Variants in KLHL42 observed in about 807,000 individuals in gnomAD.
KLHL42 encodes kelch-like protein 42.
Under a neutral mutation model 32.7 loss-of-function variants are expected in KLHL42, and 27 were observed. The observed-to-expected ratio is 0.83, with a 90% CI of 0.61 to 1.14. KLHL42 has a LOEUF of 1.14. Ranked by LOEUF, KLHL42 falls within the 50% of genes most tolerant of loss-of-function variation. The probability of loss-of-function intolerance (pLI) is 0.00; values close to 1 mark genes in which losing one functional copy is unlikely to be tolerated. For missense variants in KLHL42, 491 were observed against 560.8 expected (o/e 0.88, Z 1.26); for synonymous variants, 267 against 248.2 (o/e 1.08, Z -0.71).
chr12:27,798,280 A>G lies in KLHL42; in HGVS notation c.*114A>G, dbSNP rs1014001535. On this transcript the variant is annotated 3_prime_UTR_variant, in exon 3 of 3. Coordinates refer to ENST00000381271, the MANE Select transcript of KLHL42 (RefSeq NM_020782.2). Reference sequence around the variant, plus strand: ...GTAAAGAAGGGTTAAAGTAGGTCACATATATACAGTAGCAGCTGTAAATAA... The same window carrying G: ...GTAAAGAAGGGTTAAAGTAGGTCACGTATATACAGTAGCAGCTGTAAATAA... 8 of 631,524 alleles carry G rather than the reference A, an allele frequency of 1.3e-5. No homozygotes were observed. The highest frequency in any genetic ancestry group is 5.5e-5 in the African/African-American group (3 of 54,958). 39.1% of individuals were successfully genotyped at this position (631,524 alleles called of 1,614,324 possible).
At chr12:27,797,424 G>T in intron 2 of KLHL42, 1 of 520,370 alleles carries the variant, frequency 1.9e-6, no homozygotes, top group Admixed American at 2.4e-5. Context: ...CAAAGGTGTG[G>T]GGATACCAGG....
At position 27,781,000 on chromosome 12, in the gene KLHL42, G is replaced by A; in HGVS notation, c.670G>A (p.Glu224Lys). The stretch of plus-strand genomic sequence containing the variant: ...GCCCCCGTCCATGCTCAGGTACGAG[G>A]AGATGACTGAGCGTTGGTTCCCGCT... ...GEPPSMLRYE[E>K]MTERWFPLAN... is the part of the protein sequence containing the mutation. The change falls in exon 1 of 3, where the codon GAG (glutamate) becomes AAG (lysine). Residue 224 changes from glutamate to lysine, a missense_variant. By Grantham distance (56) the Glu-to-Lys change is moderately conservative. This residue lies in a region of KLHL42 where 248 missense variants were observed against 329.2 expected (regional missense o/e 0.75). Coordinates refer to ENST00000381271, the MANE Select transcript of KLHL42 (RefSeq NM_020782.2). The surrounding 1 kb of genome is among the most constrained non-coding windows in gnomAD (Gnocchi z 8.8). 11 of 1,609,324 alleles carry A rather than the reference G, an allele frequency of 6.8e-6. No homozygotes were observed. Among genetic ancestry groups the A allele is most frequent in the Non-Finnish European group, 8.5e-6 (10 of 1,177,048 alleles).
In KLHL42 at chr12:27,800,750, A is replaced by T. The variant is rs993212932; in HGVS notation, c.*2584A>T. The T allele has an allele frequency of 6.6e-6, 1 of 150,974 alleles. No individual in the cohort carries two copies. Among genetic ancestry groups the T allele is most frequent in the Non-Finnish European group, 1.5e-5 (1 of 68,068 alleles). 9.4% of individuals were successfully genotyped at this position (150,974 alleles called of 1,614,324 possible). ...AAAAGAAAATCCCCCTTCATCCCCC[A>T]GGACTGTCCTTTACTCTTTGATAGT... On this transcript the variant is annotated 3_prime_UTR_variant, in exon 3 of 3. Coordinates refer to ENST00000381271, the MANE Select transcript of KLHL42 (RefSeq NM_020782.2).
intron 2 of KLHL42, among the ~76,000 whole-genome samples, chr12:27,793,922 C>G (rs2062208348): frequency 6.6e-6 from 1 of 152,124 alleles, no homozygotes; most frequent in Non-Finnish European, 1.5e-5. Context: ...TGGGAACTTC[C>G]CAAAGGACAG....
intron 2 of KLHL42, among the ~76,000 whole-genome samples, chr12:27,793,745 G>A (rs762845695): frequency 6.6e-6 from 1 of 152,172 alleles, no homozygotes; most frequent in Non-Finnish European, 1.5e-5. Context: ...CAGAAAAGGT[G>A]TAACCTGGCT....
chr12:27,782,241 G>A (rs2062152610), intron 1 of KLHL42, among the ~76,000 whole-genome samples: 1 of 152,130 alleles, frequency 6.6e-6, no homozygotes, highest in South Asian at 2.1e-4. Context: ...TATTTGACTC[G>A]AGGGTCCTCC....
intron 1 of KLHL42, chr12:27,787,950 T>A (rs1271143947): frequency 6.6e-6 from 1 of 152,342 alleles, no homozygotes; most frequent in African/African-American, 2.4e-5. Context: ...GCTTTTTGCA[T>A]CTTTGCTTTT....
At chr12:27,781,266 C>T (rs1461827084) in intron 1 of KLHL42, 64 bp downstream of exon 1, 4 of 1,540,796 alleles carry the variant, frequency 2.6e-6, no homozygotes, top group East Asian at 4.6e-5. Flanking sequence ...GTTCATTACC[C>T]CAGTGTTTAC....
At chr12:27,781,753 G>T (rs1273794109) in intron 1 of KLHL42, among the ~76,000 whole-genome samples, 1 of 152,064 alleles carries the variant, frequency 6.6e-6, no homozygotes, top group Non-Finnish European at 1.5e-5. Context: ...CCTCTCTTTT[G>T]CTTCCTTCCC....
intron 2 of KLHL42, among the ~76,000 whole-genome samples, chr12:27,793,666 A>G (rs1210826061): frequency 6.6e-6 from 1 of 152,208 alleles, no homozygotes; most frequent in Non-Finnish European, 1.5e-5. Context: ...GATGTCTCCA[A>G]GTTACCTCTT....
intron 1 of KLHL42, among the ~76,000 whole-genome samples, 160 bp downstream of exon 1, chr12:27,781,362 A>G (rs557155929): frequency 1.1e-4 from 17 of 152,242 alleles, no homozygotes; most frequent in Non-Finnish European, 1.9e-4. Flanking sequence ...AAAATTCCCA[A>G]TGAACTAAGA....
At chr12:27,791,278 C>G (rs146464903) in intron 1 of KLHL42, among the ~76,000 whole-genome samples, 41 of 152,228 alleles carry the variant, frequency 2.7e-4, no homozygotes, top group African/African-American at 9.4e-4. Context: ...CAGTGTGTCC[C>G]TAAGATGAAG....
At chr12:27,785,793 A>G (rs747006706) in intron 1 of KLHL42, among the ~76,000 whole-genome samples, 41 of 152,332 alleles carry the variant, frequency 2.7e-4, no homozygotes, top group Middle Eastern at 3.4e-3. Context: ...GGTGCTTAAA[A>G]TACGTGTTTT....
chr12:27,795,197 T>A (rs1229305473), intron 2 of KLHL42, among the ~76,000 whole-genome samples: 1 of 152,268 alleles, frequency 6.6e-6, no homozygotes, highest in African/African-American at 2.4e-5. Flanking sequence ...ATAACGCACA[T>A]ATGTGCTTTG....
In KLHL42 at chr12:27,781,100, T is replaced by C; in HGVS notation, c.770T>C (p.Ile257Thr). The C allele has an allele frequency of 6.2e-7, 1 of 1,614,128 alleles. No homozygotes were observed. The highest frequency in any genetic ancestry group is 8.5e-7 in the Non-Finnish European group (1 of 1,180,006). The change falls in exon 1 of 3, where the codon ATA (isoleucine) becomes ACA (threonine). Residue 257 changes from isoleucine (I) to threonine (T), a missense_variant. Around this residue, in one of 4 missense-constraint regions of KLHL42, gnomAD observed 248 missense variants for 329.2 expected, o/e 0.75. Coordinates refer to ENST00000381271, the MANE Select transcript of KLHL42 (RefSeq NM_020782.2). ...GCCATCCTGGACAACTACCTCTTCA[T>C]AGTGGGCGGGTACAGGATCACTAGC... ...GSAILDNYLF[I>T]VGGYRITSQE...
At chr12:27,785,948 T>C (rs2062170242) in intron 1 of KLHL42, among the ~76,000 whole-genome samples, 1 of 152,246 alleles carries the variant, frequency 6.6e-6, no homozygotes, top group African/African-American at 2.4e-5. Flanking sequence ...AGCTGAGAAA[T>C]AATGAGAGAC....
intron 1 of KLHL42, among the ~76,000 whole-genome samples, chr12:27,782,577 A>G (rs1200595734): frequency 6.6e-6 from 1 of 152,138 alleles, no homozygotes; most frequent in East Asian, 1.9e-4. Flanking sequence ...TTGTGTGGCC[A>G]TGGGTGGTGG....
In KLHL42 at chr12:27,781,026, G is replaced by A; in HGVS notation, c.696G>A (p.Leu232=). ...AGATGACTGAGCGTTGGTTCCCGCT[G>A]GCCAACAACCTTCCTCCCGACCTGG... The part of the protein sequence containing the change: ...YEEMTERWFP[L]ANNLPPDLVN... The change falls in exon 1 of 3, where the codon CTG becomes CTA. Residue 232 remains leucine (L), a synonymous_variant. Transcript: ENST00000381271. 6.2e-7 allele frequency: 1 copy of A among 1,612,760 alleles called. No individual in the cohort carries two copies. The highest frequency in any genetic ancestry group is 8.5e-7 in the Non-Finnish European group (1 of 1,179,152).
At chr12:27,795,017 C>G (rs927113834) in intron 2 of KLHL42, among the ~76,000 whole-genome samples, 1 of 152,084 alleles carries the variant, frequency 6.6e-6, no homozygotes, top group Non-Finnish European at 1.5e-5. Flanking sequence ...CCTCAGTCCC[C>G]CTGAACTCCT....
Sources: gnomAD v4.1 joint callset for allele counts (sites outside exome capture counted in the v4.1 genomes callset) on GRCh38, gnomAD v4.1.1 for gene constraint, gnomAD v4.1.1 regional missense constraint, Gnocchi (gnomAD v3.1) non-coding constraint, MANE v1.5 for transcripts, NCBI Gene and HGNC (gene_info 2026-07-23, HGNC 2026-07-21) for gene names.